Variants in PNOC observed in about 807,000 individuals in gnomAD.
PNOC encodes nociceptin.
A neutral mutation model predicts 15.6 loss-of-function variants in PNOC; 10 were observed. That is an observed-to-expected ratio of 0.64 (90% confidence interval 0.40 to 1.09). PNOC has a LOEUF of 1.09. Ranked by LOEUF, PNOC falls within the 50% of genes least tolerant of loss-of-function variation. PNOC has a pLI of 0.01. For synonymous variants in PNOC, 98 were observed against 88.5 expected (o/e 1.11, Z -0.60); for missense variants, 220 against 223.9 (o/e 0.98, Z 0.11).
intron 2 of PNOC, among the ~76,000 whole-genome samples, chr8:28,337,924 G>A (rs1468638536): frequency 6.6e-6 from 1 of 152,128 alleles, no homozygotes; most frequent in African/African-American, 2.4e-5. Flanking sequence ...AGCTACTTAT[G>A]GCTCCAAGGA....
At chr8:28,337,824 C>T (rs1195011808) in intron 2 of PNOC, among the ~76,000 whole-genome samples, 1 of 151,886 alleles carries the variant, frequency 6.6e-6, no homozygotes, top group Non-Finnish European at 1.5e-5. Context: ...ATCTCCTGAC[C>T]TCGTGATCCA....
intron 2 of PNOC, among the ~76,000 whole-genome samples, chr8:28,330,405 T>TTTTTTTTTTTTTATTTTA (rs1563328732): frequency 3.0e-5 from 4 of 134,780 alleles, no homozygotes; most frequent in Non-Finnish European, 6.4e-5. Flanking sequence ...TATTTTTTTT[T>TTTTTTTTTTTTTATTTTA]TTTTTTTGAG....
intron 2 of PNOC, among the ~76,000 whole-genome samples, chr8:28,332,248 G>T (rs1304821631): frequency 6.6e-6 from 1 of 152,144 alleles, no homozygotes; most frequent in Non-Finnish European, 1.5e-5. Flanking sequence ...GAAATGCCTA[G>T]AATGTAGGCA....
intron 1 of PNOC, among the ~76,000 whole-genome samples, chr8:28,323,183 G>A (rs1380780550): frequency 2.0e-5 from 3 of 152,296 alleles, no homozygotes; most frequent in East Asian, 3.9e-4. Flanking sequence ...CATGCAAATC[G>A]ATTAAGGCCA....
chr8:28,320,527 T>C (rs1801132668), intron 1 of PNOC, among the ~76,000 whole-genome samples: 1 of 152,176 alleles, frequency 6.6e-6, no homozygotes, highest in South Asian at 2.1e-4. Flanking sequence ...TAGGAATGTG[T>C]ACTCAAAATC....
At chr8:28,335,266 G>GA in intron 2 of PNOC, among the ~76,000 whole-genome samples, 1 of 152,324 alleles carries the variant, frequency 6.6e-6, no homozygotes, top group East Asian at 1.9e-4. Flanking sequence ...GCACACAGAG[G>GA]TAGCTGAGTA....
intron 1 of PNOC, among the ~76,000 whole-genome samples, chr8:28,322,778 C>T (rs189326040): frequency 7.7e-4 from 118 of 152,336 alleles, no homozygotes; most frequent in African/African-American, 2.7e-3. Context: ...TCCCAGAACA[C>T]ATGGTTTGAA....
chr8:28,328,774 C>T (rs1022520504), intron 1 of PNOC, among the ~76,000 whole-genome samples: 6 of 152,080 alleles, frequency 3.9e-5, no homozygotes, highest in Non-Finnish European at 8.8e-5. Context: ...AACTGCAAAG[C>T]GATGCCTTTA....
intron 2 of PNOC, among the ~76,000 whole-genome samples, chr8:28,337,762 TTTGTA>T (rs1801437325): frequency 6.6e-6 from 1 of 151,044 alleles, no homozygotes; most frequent in Non-Finnish European, 1.5e-5. Flanking sequence ...TTTTTTTTTT[TTTGTA>T]TTTTTAGTAG....
chr8:28,326,327 G>A (rs924278889), intron 1 of PNOC, among the ~76,000 whole-genome samples: 15 of 152,036 alleles, frequency 9.9e-5, no homozygotes, highest in African/African-American at 2.7e-4. Context: ...ACACCAGCCT[G>A]GGCAACAGAG....
At position 28,330,398 on chromosome 8, in the gene PNOC, T is replaced by TTTATTTTATTTTTTTTATTTTTA. The variant is rs1554517536; in HGVS notation, c.126+1117_126+1118insATTTTATTTTTTTTATTTTTATT. The stretch of plus-strand genomic sequence containing the variant: ...TTTATTTTATTTTATTTTATTTTAT[T>TTTATTTTATTTTTTTTATTTTTA]TTTTTTTTTTTTTTGAGACGGAGTC... On this transcript the variant is annotated intron_variant, in intron 2 of 3. Transcript: ENST00000301908. 1.4e-3 allele frequency among the ~76,000 whole-genome samples: 140 copies of TTTATTTTATTTTTTTTATTTTTA among 100,716 alleles called. 2 individuals are homozygous for TTTATTTTATTTTTTTTATTTTTA. Among genetic ancestry groups the TTTATTTTATTTTTTTTATTTTTA allele is most frequent in the African/African-American group, 4.4e-3 (131 of 29,508 alleles). The allele number at this position is 100,716 out of a possible 152,430, so 66.1% of individuals were successfully genotyped here. A position where few individuals can be genotyped will look rare whatever the true frequency, so the allele number is the denominator to read the frequency against.
At chr8:28,319,654 G>T in intron 1 of PNOC, among the ~76,000 whole-genome samples, 1 of 152,192 alleles carries the variant, frequency 6.6e-6, no homozygotes, top group East Asian at 1.9e-4. Context: ...TTTCAGGTGA[G>T]CGTTCTCTAC....
In PNOC at chr8:28,330,391, A is replaced by ATTTTTTTTTT. The variant is rs200641227; in HGVS notation, c.126+1112_126+1113insTTTTTTTTTT. On this transcript the variant is annotated intron_variant, in intron 2 of 3. Coordinates refer to ENST00000301908, the MANE Select transcript of PNOC (RefSeq NM_006228.5). ...ATTTTATTTTATTTTATTTTATTTT[A>ATTTTTTTTTT]TTTTATTTTTTTTTTTTTTTTGAGA... Among the ~76,000 whole-genome samples, 20 of 76,118 alleles carry ATTTTTTTTTT rather than the reference A, an allele frequency of 2.6e-4. 1 individual carries two copies. Among genetic ancestry groups the ATTTTTTTTTT allele is most frequent in the South Asian group, 4.4e-4 (1 of 2,270 alleles). The allele number at this position is 76,118 out of a possible 152,430, so 49.9% of individuals were successfully genotyped here. A position where few individuals can be genotyped will look rare whatever the true frequency, so the allele number is the denominator to read the frequency against.
chr8:28,322,374 A>G (rs550094333), intron 1 of PNOC, among the ~76,000 whole-genome samples: 6 of 152,314 alleles, frequency 3.9e-5, no homozygotes, highest in African/African-American at 1.4e-4. Flanking sequence ...CCTGGGCAAC[A>G]GAGCGAGACT....
At chr8:28,322,204 C>T (rs960755132) in intron 1 of PNOC, among the ~76,000 whole-genome samples, 11 of 151,644 alleles carry the variant, frequency 7.3e-5, no homozygotes, top group East Asian at 3.9e-4. Context: ...GACTGACCAA[C>T]GTGGTGAAAC....
At chr8:28,320,105 T>C (rs1801125258) in intron 1 of PNOC, among the ~76,000 whole-genome samples, 1 of 132,810 alleles carries the variant, frequency 7.5e-6, no homozygotes, top group Non-Finnish European at 1.6e-5. Context: ...TTTTTTTTTT[T>C]TTTTTTTTTT....
At chr8:28,333,989 T>C (rs74301305) in intron 2 of PNOC, among the ~76,000 whole-genome samples, 13,176 of 152,006 alleles carry the variant, frequency 0.087, 647 homozygotes, top group Middle Eastern at 0.12. Flanking sequence ...TTATTTGTTG[T>C]GGGGGTTGTC....
In PNOC at chr8:28,329,223, G is replaced by A; in HGVS notation, c.66G>A (p.Gln22=). The change falls in exon 2 of 4, where the codon CAG becomes CAA. Residue 22 remains glutamine, a synonymous_variant. Transcript: ENST00000301908. Reference sequence around the variant, plus strand: ...TCTCCAGTGTGTTCAGCAGTTGTCAGAGGGACTGTCTCACATGCCAGGAGA... The same window carrying A: ...TCTCCAGTGTGTTCAGCAGTTGTCAAAGGGACTGTCTCACATGCCAGGAGA... ...SLFSSVFSSC[Q]RDCLTCQEKL... 1.9e-6 allele frequency: 3 copies of A among 1,614,058 alleles called. No homozygotes were observed. Among genetic ancestry groups the A allele is most frequent in the Middle Eastern group, 1.6e-4 (1 of 6,062 alleles).
intron 2 of PNOC, among the ~76,000 whole-genome samples, chr8:28,331,916 G>A (rs190393170): frequency 5.6e-4 from 86 of 152,322 alleles, no homozygotes; most frequent in Non-Finnish European, 4.6e-4. Context: ...ATCCCATCCC[G>A]TGGAAATTGG....
Sources: allele counts gnomAD v4.1 joint callset (sites outside exome capture counted in the v4.1 genomes callset), GRCh38; gene constraint gnomAD v4.1.1; transcripts MANE v1.5; gene names NCBI Gene and HGNC (gene_info 2026-07-23, HGNC 2026-07-21).